Variants in EPS15L1 observed in about 807,000 individuals in gnomAD.
The protein encoded by EPS15L1 is epidermal growth factor receptor substrate 15-like 1.
EPS15L1 carries 43 observed loss-of-function variants against 117.1 expected under a neutral mutation model. That is an observed-to-expected ratio of 0.37 (90% confidence interval 0.29 to 0.47). The LOEUF is 0.47. Ranked by LOEUF, EPS15L1 falls within the 20% of genes least tolerant of loss-of-function variation. The probability of loss-of-function intolerance (pLI) is 0.99; values close to 1 mark genes in which losing one functional copy is unlikely to be tolerated. For missense variants in EPS15L1, 981 were observed against 1,164.0 expected (o/e 0.84, Z 2.29); for synonymous variants, 459 against 470.5 (o/e 0.98, Z 0.32).
chr19:16,463,151 A>G (rs1412029848), intron 1 of EPS15L1, among the ~76,000 whole-genome samples: 1 of 152,064 alleles, frequency 6.6e-6, no homozygotes, highest in Non-Finnish European at 1.5e-5. Flanking sequence ...CTGTACCTAA[A>G]TGTGGGGTCT....
At chr19:16,449,248 AAAC>A (rs757748689) in intron 1 of EPS15L1, among the ~76,000 whole-genome samples, 19 of 106,310 alleles carry the variant, frequency 1.8e-4, no homozygotes, top group African/African-American at 8.8e-4. Context: ...ATTTCTTAAA[AAAC>A]AAACAAACAA....
chr19:16,419,441 A>G (rs1173922162), intron 10 of EPS15L1, among the ~76,000 whole-genome samples: 1 of 152,018 alleles, frequency 6.6e-6, no homozygotes, highest in Admixed American at 6.6e-5. Flanking sequence ...CCTGGGCAAC[A>G]GTGAGTCTCT....
upstream of EPS15L1, chr19:16,471,977 G>C: frequency 7.9e-7 from 1 of 1,267,316 alleles, no homozygotes; most frequent in East Asian, 3.2e-5. The surrounding 1 kb of genome is among the most constrained non-coding windows in gnomAD (Gnocchi z 4.8). Flanking sequence ...GAGCGCCGGG[G>C]GAACGGGGGC....
chr19:16,399,305 T>C (rs1245485463), intron 16 of EPS15L1, among the ~76,000 whole-genome samples: 2 of 152,176 alleles, frequency 1.3e-5, no homozygotes, highest in Non-Finnish European at 2.9e-5. Flanking sequence ...ACTCTACCCC[T>C]TGCAGACCAC....
chr19:16,410,088 T>A (rs1176444312), intron 13 of EPS15L1, among the ~76,000 whole-genome samples: 2 of 150,688 alleles, frequency 1.3e-5, no homozygotes, highest in African/African-American at 4.9e-5. Flanking sequence ...GAGCTGAGAT[T>A]GCACCCTTGT....
chr19:16,388,837 C>CA (rs1233650885), intron 19 of EPS15L1, among the ~76,000 whole-genome samples: 1 of 151,904 alleles, frequency 6.6e-6, no homozygotes, highest in Non-Finnish European at 1.5e-5. Context: ...AAAAAACAAA[C>CA]AAACAAACAA....
At chr19:16,443,457 C>A (rs776892940) in intron 1 of EPS15L1, 12 of 152,242 alleles carry the variant, frequency 7.9e-5, no homozygotes, top group Non-Finnish European at 1.5e-4. Flanking sequence ...GCCTATAATC[C>A]CAGTACTTTG....
intron 13 of EPS15L1, chr19:16,413,530 G>C (rs942646373): frequency 4.2e-6 from 3 of 718,308 alleles, no homozygotes; most frequent in Non-Finnish European, 7.1e-6. Flanking sequence ...ACCTACACCA[G>C]AGTCTCCATG....
At position 16,355,970 on chromosome 19, in the gene EPS15L1, C is replaced by T. The variant is rs139944694; in HGVS notation, c.2587-119G>A. The T allele has an allele frequency of 6.1e-4, 755 of 1,241,002 alleles. 10 individuals carry two copies. In the East Asian group the frequency reaches 0.019, roughly 31 times the overall value. 76.9% of individuals were successfully genotyped at this position (1,241,002 alleles called of 1,614,324 possible). A position where few individuals can be genotyped will look rare whatever the true frequency, so the allele number is the denominator to read the frequency against. On this transcript the variant is annotated intron_variant, in intron 23 of 23. Transcript: ENST00000455140. ...CCTGCCCACCGCCCAGCGGAGGGTCCGATGTGCAGGGGATAAGCATGTCTT... is the reference window on the plus strand; with the variant it reads ...CCTGCCCACCGCCCAGCGGAGGGTCTGATGTGCAGGGGATAAGCATGTCTT...
intron 13 of EPS15L1, chr19:16,412,840 G>A (rs1341455122): frequency 3.0e-5 from 16 of 531,028 alleles, no homozygotes; most frequent in South Asian, 1.1e-4. Context: ...CCAAGGCCAC[G>A]GAGCTTGCAG....
rs561228808 is a variant in EPS15L1 at position 16,444,727 on chromosome 19, G to GTT, written c.34-2510_34-2509dup. Reference sequence around the variant, plus strand: ...GGATCTGAAGCACATTTCCAGACAAGTTTTTTTTTTTTTTTTTGAGACAGG... The same window carrying GTT: ...GGATCTGAAGCACATTTCCAGACAAGTTTTTTTTTTTTTTTTTTTGAGACAGG... On this transcript the variant is annotated intron_variant, in intron 1 of 23. Transcript: ENST00000455140. Among the ~76,000 whole-genome samples, 968 of 140,566 alleles carry GTT rather than the reference G, an allele frequency of 6.9e-3. 2 individuals are homozygous for GTT. The highest frequency in any genetic ancestry group is 0.017 in the African/African-American group (646 of 38,180). 92.2% of individuals were successfully genotyped at this position (140,566 alleles called of 152,430 possible).
At chr19:16,401,468 G>A in intron 16 of EPS15L1, 1 of 985,818 alleles carries the variant, frequency 1.0e-6, no homozygotes, top group South Asian at 4.7e-5. Flanking sequence ...TGGGAGAGAG[G>A]GTGGCAGCAC....
intron 21 of EPS15L1, among the ~76,000 whole-genome samples, chr19:16,380,381 G>A (rs1307391966): frequency 1.3e-5 from 2 of 152,178 alleles, no homozygotes; most frequent in African/African-American, 4.8e-5. Context: ...AGCCGTCTAA[G>A]ATTTTAGTGT....
chr19:16,360,438 A>G (rs1218277519), intron 23 of EPS15L1, among the ~76,000 whole-genome samples: 1 of 152,180 alleles, frequency 6.6e-6, no homozygotes, highest in African/African-American at 2.4e-5. Flanking sequence ...ACCAAGAGCC[A>G]GAAACAGGTC....
At position 16,381,828 on chromosome 19, in the gene EPS15L1, G is replaced by GT. The variant is rs1317420236; in HGVS notation, c.2247+3300dup. Among the ~76,000 whole-genome samples, 1 of 152,224 alleles carries GT rather than the reference G, an allele frequency of 6.6e-6. No homozygotes were observed. The highest frequency in any genetic ancestry group is 2.4e-5 in the African/African-American group (1 of 41,454). ...GAACATGTCCCTGGGCCTAGGGCCCGTGCGAGTCCCCCGCGGCCTGGGATG... is the reference window on the plus strand; with the variant it reads ...GAACATGTCCCTGGGCCTAGGGCCCGTTGCGAGTCCCCCGCGGCCTGGGATG... On this transcript the variant is annotated intron_variant, in intron 21 of 23. Coordinates refer to ENST00000455140, the MANE Select transcript of EPS15L1 (RefSeq NM_001258374.3). This position sits in a 1 kb window ranked among gnomAD's most constrained non-coding sequence, Gnocchi z 4.2.
Position 16,452,898 on chromosome 19 carries a change from G to A in EPS15L1, c.34-10679C>T, listed in dbSNP as rs372298217. Among the ~76,000 whole-genome samples, 93 of 152,112 alleles carry A rather than the reference G, an allele frequency of 6.1e-4. 1 individual carries two copies. In the East Asian group the frequency reaches 0.013, roughly 22 times the overall value. Reference sequence around the variant, plus strand: ...TGCAAGCTCCGCCTCCCCGGTTCATGCCATTCTCCTGCCTCAGCCTCCCGA... The same window carrying A: ...TGCAAGCTCCGCCTCCCCGGTTCATACCATTCTCCTGCCTCAGCCTCCCGA... On this transcript the variant is annotated intron_variant, in intron 1 of 23. Transcript: ENST00000455140.
At chr19:16,395,799 G>T (rs2092533623) in intron 16 of EPS15L1, among the ~76,000 whole-genome samples, 1 of 152,164 alleles carries the variant, frequency 6.6e-6, no homozygotes, top group African/African-American at 2.4e-5. Context: ...CAAAAAATTA[G>T]CTGGGTGTTG....
chr19:16,393,080 A>T (rs1373771279), intron 18 of EPS15L1, among the ~76,000 whole-genome samples: 4 of 1,782 alleles, frequency 2.2e-3, no homozygotes, highest in Non-Finnish European at 0.062. Flanking sequence ...AGCTGGATAT[A>T]ATAATAATAA....
At chr19:16,414,994 A>C (rs1018309640) in intron 12 of EPS15L1, among the ~76,000 whole-genome samples, 1 of 152,160 alleles carries the variant, frequency 6.6e-6, no homozygotes, top group Non-Finnish European at 1.5e-5. Context: ...GTCATGAGCC[A>C]CAGCACCCAG....
Sources: allele counts gnomAD v4.1 joint callset (sites outside exome capture counted in the v4.1 genomes callset), GRCh38; gene constraint gnomAD v4.1.1; non-coding constraint Gnocchi (gnomAD v3.1); transcripts MANE v1.5; gene names NCBI Gene and HGNC (gene_info 2026-07-23, HGNC 2026-07-21).